Variants in LAMA5 observed in about 807,000 individuals in gnomAD.
LAMA5 encodes the protein laminin subunit alpha 5.
LAMA5 carries 260 observed loss-of-function variants against 433.4 expected under a neutral mutation model. That is an observed-to-expected ratio of 0.60 (90% CI 0.54 to 0.66). The LOEUF (loss-of-function observed/expected upper bound fraction) is 0.66. Ranked by LOEUF, LAMA5 falls within the 30% of genes least tolerant of loss-of-function variation. The pLI, the probability that LAMA5 is intolerant of heterozygous loss-of-function variation, is 0.00. For missense variants in LAMA5, 5,378 were observed against 5,258.5 expected (o/e 1.02, Z -0.70); for synonymous variants, 2,620 against 2,226.6 (o/e 1.18, Z -4.97).
intron 31 of LAMA5, 21 bp downstream of exon 31, chr20:62,330,466 AC>A: frequency 1.3e-6 from 2 of 1,517,200 alleles, no homozygotes; most frequent in Non-Finnish European, 8.8e-7. Flanking sequence ...TAGCCTCTCC[AC>A]CCCCCACACC....
rs1986216575 is a variant in LAMA5, at chr20:62,311,079, C to T, written c.10104G>A (p.Met3368Ile). ...ARHRNWPSLS[M>I]HVLPRSSRGL... ...CTCGGGAGCTTCGCGGGAGGACGTG[C>T]ATGGAGAGACTGGGCCTGGAAGCGG... Residue 3368 changes from methionine (M) to isoleucine (I), a missense_variant, in exon 74 of 80, where the codon ATG becomes ATA. Transcript: ENST00000252999. 1.3e-6 allele frequency: 2 copies of T among 1,583,226 alleles called. No homozygotes were observed. The highest frequency in any genetic ancestry group is 8.6e-7 in the Non-Finnish European group (1 of 1,163,910).
rs892717156 is a variant in LAMA5 at position 62,309,228 on chromosome 20, T to G, written c.*108A>C. 7 of 1,079,960 alleles carry G rather than the reference T, an allele frequency of 6.5e-6. No homozygotes were observed. In the Admixed American group the frequency reaches 9.3e-5, roughly 14 times the overall value. 66.9% of individuals were successfully genotyped at this position (1,079,960 alleles called of 1,614,324 possible). On this transcript the variant is annotated 3_prime_UTR_variant, in exon 80 of 80. Transcript: ENST00000252999. ...ACTTAAACCATCTTCAGAAACAAGA[T>G]CTGTCACCCGTAGAGCTTAGAGTCC...
Position 62,312,278 on chromosome 20 carries a change from A to G in LAMA5, c.9399T>C (p.Leu3133=), listed in dbSNP as rs1164443682. ...RAMTFHGHGF[L]RLALSNVAPL... ...GTGCCACGTTCGAGAGCGCCAGGCG[A>G]AGGAAGCCGTGGCCATGGAAAGTCA... is the stretch of plus-strand genomic sequence containing the variant. The change falls in exon 69 of 80, where the codon CTT becomes CTC. Residue 3133 remains leucine (L), a synonymous_variant. Coordinates refer to ENST00000252999, the MANE Select transcript of LAMA5 (RefSeq NM_005560.6). The G allele has an allele frequency of 3.1e-6, 5 of 1,611,238 alleles. 1 individual carries two copies. In the South Asian group the frequency reaches 5.5e-5, roughly 18 times the overall value.
rs777207673 is a variant in LAMA5, at chr20:62,314,371, C to T, written c.8437G>A (p.Ala2813Thr). 1 of 1,613,480 alleles carries T rather than the reference C, an allele frequency of 6.2e-7. No individual in the cohort carries two copies. Among genetic ancestry groups the T allele is most frequent in the South Asian group, 1.1e-5 (1 of 91,086 alleles). The change falls in exon 62 of 80, where the codon GCG (alanine) becomes ACG (threonine). Residue 2813 changes from alanine (A) to threonine (T), a missense_variant. By Grantham distance (58) the Ala-to-Thr change is moderately conservative (BLOSUM62 0). Transcript: ENST00000252999. ...KVHWVYQLGE[A>T]GPAVLSIDED... ...TCGATGCTTAGGACTGCAGGGCCCG[C>T]CTCACCCAGCTGATACACCCAGTGC...
chr20:62,367,274 C>G lies in LAMA5; in HGVS notation c.-29G>C. 8.7e-7 allele frequency: 1 copy of G among 1,148,796 alleles called. No individual in the cohort carries two copies. The highest frequency in any genetic ancestry group is 1.1e-6 in the Non-Finnish European group (1 of 935,428). 71.2% of individuals were successfully genotyped at this position (1,148,796 alleles called of 1,614,324 possible). ...CCCGGCTCCGGGCCGCGTCCCCGAG[C>G]TCCAGGGACAGCGCGCGCGGCGGGA... On this transcript the variant is annotated 5_prime_UTR_variant, in exon 1 of 80. Transcript: ENST00000252999.
In LAMA5 at chr20:62,328,321, G is replaced by A. The variant is rs1212676364; in HGVS notation, c.4572C>T (p.Gly1524=). The change falls in exon 35 of 80, where the codon GGC becomes GGT. Residue 1524 remains glycine, a synonymous_variant. Coordinates refer to ENST00000252999, the MANE Select transcript of LAMA5 (RefSeq NM_005560.6). ...PQTFGCHPLV[G]CEECNCSGPG... is the part of the protein sequence containing the mutation. ...GCCCTGAGCAGTTACACTCCTCACAGCCGACCAGGGGGTGGCAGCCAAAGG... is the reference window on the plus strand; with the variant it reads ...GCCCTGAGCAGTTACACTCCTCACAACCGACCAGGGGGTGGCAGCCAAAGG... 1.9e-6 allele frequency: 3 copies of A among 1,604,722 alleles called. No individual in the cohort carries two copies. Among genetic ancestry groups the A allele is most frequent in the Non-Finnish European group, 2.6e-6 (3 of 1,176,398 alleles).
chr20:62,357,288 A>G (rs76173539), intron 2 of LAMA5, among the ~76,000 whole-genome samples: 9,685 of 152,268 alleles, frequency 0.064, 351 homozygotes, highest in South Asian at 0.16. Flanking sequence ...TGCAGGAAGA[A>G]GGGCGTTGTG....
Position 62,313,630 on chromosome 20 carries a change from C to G in LAMA5, c.8658+19G>C, listed in dbSNP as rs773624232. On this transcript the variant is annotated intron_variant, in intron 63 of 79. Coordinates refer to ENST00000252999, the MANE Select transcript of LAMA5 (RefSeq NM_005560.6). ...GCTGCGGAGCCCCTCCCAGGCTGCC[C>G]CAGGCCGGGCGGGCTCACCGTGAAG... is the stretch of plus-strand genomic sequence containing the variant. 1 of 1,611,726 alleles carries G rather than the reference C, an allele frequency of 6.2e-7. No homozygotes were observed. The highest frequency in any genetic ancestry group is 1.1e-5 in the South Asian group (1 of 91,012).
chr20:62,346,098 C>T lies in LAMA5; in HGVS notation c.1400G>A (p.Gly467Asp), dbSNP rs762626466. The part of the protein sequence containing the change: ...RCDVCAEGFT[G>D]FPSCYPTPSS... Reference sequence around the variant, plus strand: ...GTGCTCACGGTAGCAGCTTGGGAAGCCCGTGAAGCCCTCGGCACACACGTC... The same window carrying T: ...GTGCTCACGGTAGCAGCTTGGGAAGTCCGTGAAGCCCTCGGCACACACGTC... Residue 467 changes from glycine to aspartate, a missense_variant, in exon 10 of 80, where the codon GGC becomes GAC. Physicochemically the swap from Gly to Asp is moderately conservative, Grantham distance 94. Coordinates refer to ENST00000252999, the MANE Select transcript of LAMA5 (RefSeq NM_005560.6). 2.5e-6 allele frequency: 4 copies of T among 1,612,878 alleles called. No individual in the cohort carries two copies. The African/African-American group carries it at 5.3e-5, about 22-fold the overall frequency.
intron 6 of LAMA5, among the ~76,000 whole-genome samples, chr20:62,349,702 T>G (rs567284476): frequency 0.14 from 7 of 50 alleles, no homozygotes; most frequent in African/African-American, 0.25. Flanking sequence ...GTGATGGTGA[T>G]GGTGATGGTG....
Position 62,346,730 on chromosome 20 carries a change from C to T in LAMA5, c.1143G>A (p.Gln381=), listed in dbSNP as rs749277514. The part of the protein sequence containing the change: ...DPEVDRRRAS[Q]SLDGTYQGGG... ...CACCCTGATAGGTGCCATCCAGGCT[C>T]TGGCTGGCGCGGCGCCGGTCCACCT... Residue 381 remains glutamine (Q), a synonymous_variant, in exon 8 of 80, where the codon CAG becomes CAA. Coordinates refer to ENST00000252999, the MANE Select transcript of LAMA5 (RefSeq NM_005560.6). The T allele has an allele frequency of 1.2e-6, 2 of 1,613,156 alleles. No individual in the cohort carries two copies. Among genetic ancestry groups the T allele is most frequent in the Non-Finnish European group, 1.7e-6 (2 of 1,179,938 alleles).
In LAMA5 at chr20:62,311,720, G is replaced by A; in HGVS notation, c.9700C>T (p.Leu3234Phe). ...GGGGGCCCCTCAGGCTGCGGCTGGA[G>A]CTCGGGGGGTGGTCCCCGGTGGGGC... is the stretch of plus-strand genomic sequence containing the variant. ...MKPHRGPPPE[L>F]QPQPEGPPRL... Residue 3234 changes from leucine to phenylalanine, a missense_variant, in exon 71 of 80, where the codon CTC becomes TTC. Coordinates refer to ENST00000252999, the MANE Select transcript of LAMA5 (RefSeq NM_005560.6). 1 of 1,564,378 alleles carries A rather than the reference G, an allele frequency of 6.4e-7. No homozygotes were observed. Among genetic ancestry groups the A allele is most frequent in the East Asian group, 2.4e-5 (1 of 42,162 alleles).
In LAMA5 at chr20:62,330,995, C is replaced by T. The variant is rs369174772; in HGVS notation, c.3650+37G>A. On this transcript the variant is annotated intron_variant, in intron 29 of 79. Coordinates refer to ENST00000252999, the MANE Select transcript of LAMA5 (RefSeq NM_005560.6). ...AGAGCCGGCCCTGCCGCCGGGCCCT[C>T]GGCCGCGCCCCTCCCAGCCCCATTA... The T allele has an allele frequency of 6.5e-5, 102 of 1,573,200 alleles. No individual in the cohort carries two copies. The African/African-American group carries it at 1.1e-3, about 17-fold the overall frequency.
Position 62,318,606 on chromosome 20 carries a change from T to C in LAMA5, c.7087A>G (p.Asn2363Asp). ...CGGGTTTGTGTGGCCAGTGCCTGGT[T>C]CTCCTCCCAGAGGCTGCTCAGCTGC... ...QEQLSSLWEENQALATQTRDR... is the reference protein window; with the variant it reads ...QEQLSSLWEEDQALATQTRDR... The change falls in exon 53 of 80, where the codon AAC becomes GAC. Residue 2363 changes from asparagine (N) to aspartate (D), a missense_variant. By Grantham distance (23) the Asn-to-Asp change is conservative. Transcript: ENST00000252999. The C allele has an allele frequency of 1.2e-6, 2 of 1,610,738 alleles. No homozygotes were observed. Among genetic ancestry groups the C allele is most frequent in the Non-Finnish European group, 1.7e-6 (2 of 1,179,008 alleles).
Position 62,324,987 on chromosome 20 carries a change from T to C in LAMA5, c.5529+329A>G. Reference sequence around the variant, plus strand: ...CACAGTGGGCGAGGGATGGGCAGAATGACAGGCAGACGCCAGGATGGTCGG... The same window carrying C: ...CACAGTGGGCGAGGGATGGGCAGAACGACAGGCAGACGCCAGGATGGTCGG... On this transcript the variant is annotated intron_variant, in intron 41 of 79. Coordinates refer to ENST00000252999, the MANE Select transcript of LAMA5 (RefSeq NM_005560.6). The surrounding 1 kb of genome is among the most constrained non-coding windows in gnomAD (Gnocchi z 4.4). 5.0e-6 allele frequency: 2 copies of C among 401,830 alleles called. No individual in the cohort carries two copies. The highest frequency in any genetic ancestry group is 9.1e-6 in the Non-Finnish European group (2 of 219,474). The allele number at this position is 401,830 out of a possible 1,614,324, so 24.9% of individuals were successfully genotyped here.
At chr20:62,332,251 C>A in intron 28 of LAMA5, 121 bp downstream of exon 28, 1 of 696,158 alleles carries the variant, frequency 1.4e-6, no homozygotes, top group Non-Finnish European at 2.6e-6. Context: ...CTGGGCTGGG[C>A]ATGAGCGAGT....
rs1206350086 is a variant in LAMA5, at chr20:62,340,314, T to TTG, written c.1478-1707_1478-1706insCA. Among the ~76,000 whole-genome samples the TTG allele has an allele frequency of 1.2e-4, 17 of 142,804 alleles. No homozygotes were observed. The South Asian group carries it at 2.9e-3, about 24-fold the overall frequency. The allele number at this position is 142,804 out of a possible 152,430, so 93.7% of individuals were successfully genotyped here. A position where few individuals can be genotyped will look rare whatever the true frequency, so the allele number is the denominator to read the frequency against. On this transcript the variant is annotated intron_variant, in intron 11 of 79. Coordinates refer to ENST00000252999, the MANE Select transcript of LAMA5 (RefSeq NM_005560.6). Reference sequence around the variant, plus strand: ...TGAACAAGCCTCCTTTGTTTTTTTTTTTTTTTTTTTTTTTGAAATGGAGTT... The same window carrying TTG: ...TGAACAAGCCTCCTTTGTTTTTTTTTTGTTTTTTTTTTTTTTGAAATGGAGTT...
chr20:62,337,579 T>G lies in LAMA5; in HGVS notation c.2164+11A>C, dbSNP rs770165276. On this transcript the variant is annotated intron_variant, in intron 16 of 79. Coordinates refer to ENST00000252999, the MANE Select transcript of LAMA5 (RefSeq NM_005560.6). ...CCGGCACCTGGTGCACACAGCCACC[T>G]GCCTGCTCACCTTCGCAGTAGGGGA... The G allele has an allele frequency of 1.9e-6, 3 of 1,593,650 alleles. No homozygotes were observed. The highest frequency in any genetic ancestry group is 2.6e-6 in the Non-Finnish European group (3 of 1,171,162).
chr20:62,357,329 A>T (rs760113467), intron 2 of LAMA5, among the ~76,000 whole-genome samples: 7 of 152,156 alleles, frequency 4.6e-5, no homozygotes, highest in Non-Finnish European at 1.5e-5. Context: ...AGCCCCTCCT[A>T]GCCCCAGGCG....
Sources: allele counts gnomAD v4.1 joint callset (sites outside exome capture counted in the v4.1 genomes callset), GRCh38; gene constraint gnomAD v4.1.1; non-coding constraint Gnocchi (gnomAD v3.1); transcripts MANE v1.5; gene names NCBI Gene and HGNC (gene_info 2026-07-23, HGNC 2026-07-21).